Variants in GREB1 observed in about 807,000 individuals in gnomAD.
GREB1 encodes protein GREB1.
In GREB1, 106 loss-of-function variants were observed where a neutral mutation model predicts 200.7. That is an observed-to-expected ratio of 0.53 (90% confidence interval 0.45 to 0.62). The LOEUF (loss-of-function observed/expected upper bound fraction) is 0.62, where lower values mean the gene tolerates loss of function less well. GREB1 is among the 20% of genes least tolerant of loss of function. The pLI is 0.00. For missense variants in GREB1, 2,243 were observed against 2,556.8 expected, an observed-to-expected ratio of 0.88 and a Z score of 2.65; for synonymous variants, 1,132 against 1,092.4, an observed-to-expected ratio of 1.04 and a Z score of -0.72.
chr2:11,580,676 C>T lies in GREB1; in HGVS notation c.773-28C>T. On this transcript the variant is annotated intron_variant, in intron 6 of 32. Coordinates refer to ENST00000381486, the MANE Select transcript of GREB1 (RefSeq NM_014668.4). The surrounding 1 kb of genome is among the most constrained non-coding windows in gnomAD (Gnocchi z 4.5). Reference sequence around the variant, plus strand: ...CCCAGGGCATTCTTGTGAACTGACCCTCCTCTTTGCCTTCTATCTGTTTTC... The same window carrying T: ...CCCAGGGCATTCTTGTGAACTGACCTTCCTCTTTGCCTTCTATCTGTTTTC... 2 of 1,590,126 alleles carry T rather than the reference C, an allele frequency of 1.3e-6. No homozygotes were observed. The highest frequency in any genetic ancestry group is 1.7e-6 in the Non-Finnish European group (2 of 1,165,844).
intron 1 of GREB1, among the ~76,000 whole-genome samples, chr2:11,507,657 T>C (rs1673221849): frequency 6.6e-6 from 1 of 152,156 alleles, no homozygotes; most frequent in South Asian, 2.1e-4. Context: ...TGGCATGGAG[T>C]TGCTGCCTGT....
At chr2:11,616,936 T>C (rs1430943947) in intron 21 of GREB1, among the ~76,000 whole-genome samples, 1 of 152,246 alleles carries the variant, frequency 6.6e-6, no homozygotes, top group Non-Finnish European at 1.5e-5. Context: ...ACTGTAGGGT[T>C]CTGCTGCCCC....
chr2:11,523,149 G>A lies in GREB1; in HGVS notation c.-158-33308G>A, dbSNP rs149139255. ...GGAACAGAAAACCAAACACTGCAAT[G>A]TTCTCACTTATAAATGGGAGCTAAA... On this transcript the variant is annotated intron_variant, in intron 1 of 2. Coordinates refer to the GREB1 transcript ENST00000628795. Among the ~76,000 whole-genome samples the A allele has an allele frequency of 4.9e-3, 751 of 152,270 alleles. 9 individuals carry two copies. The highest frequency in any genetic ancestry group is 0.017 in the African/African-American group (718 of 41,548).
chr2:11,534,751 G>A lies in GREB1; in HGVS notation c.-162+497G>A, dbSNP rs1449795812. Among the ~76,000 whole-genome samples, 3 of 152,128 alleles carry A rather than the reference G, an allele frequency of 2.0e-5. No individual in the cohort carries two copies. The East Asian group carries it at 5.8e-4, about 29-fold the overall frequency. The stretch of plus-strand genomic sequence containing the variant: ...GTGTGCTTCTTCTTCACATATACCT[G>A]GTTGTTCTCTGATTGCTTTGGTGTC... On this transcript the variant is annotated intron_variant, in intron 1 of 32. Coordinates refer to ENST00000381486, the MANE Select transcript of GREB1 (RefSeq NM_014668.4).
chr2:11,559,316 T>G (rs1676748977), intron 2 of GREB1, among the ~76,000 whole-genome samples: 1 of 152,198 alleles, frequency 6.6e-6, no homozygotes, highest in Non-Finnish European at 1.5e-5. Context: ...GGCAGGAATG[T>G]CCCCTCGAGC....
At chr2:11,622,836 C>T (rs1039507083) in intron 23 of GREB1, among the ~76,000 whole-genome samples, 1 of 152,176 alleles carries the variant, frequency 6.6e-6, no homozygotes, top group Non-Finnish European at 1.5e-5. Flanking sequence ...GGACTCTGGC[C>T]GGAGTGGAAG....
chr2:11,597,684 G>T lies in GREB1; in HGVS notation c.1955-97G>T. The T allele has an allele frequency of 9.7e-7, 1 of 1,030,506 alleles. No homozygotes were observed. Among genetic ancestry groups the T allele is most frequent in the South Asian group, 1.3e-5 (1 of 76,502 alleles). 63.8% of individuals were successfully genotyped at this position (1,030,506 alleles called of 1,614,324 possible). A position where few individuals can be genotyped will look rare whatever the true frequency, so the allele number is the denominator to read the frequency against. ...CCCTCATCGCTTTGTGAATGGGGCCGTCTCCCCTGGACAGGTCTCACTGAT... is the reference window on the plus strand; with the variant it reads ...CCCTCATCGCTTTGTGAATGGGGCCTTCTCCCCTGGACAGGTCTCACTGAT... On this transcript the variant is annotated intron_variant, in intron 13 of 32. Transcript: ENST00000381486. The surrounding 1 kb of genome is among the most constrained non-coding windows in gnomAD (Gnocchi z 4.1).
At chr2:11,528,347 T>C (rs1371893079) in intron 1 of GREB1, among the ~76,000 whole-genome samples, 2 of 152,238 alleles carry the variant, frequency 1.3e-5, no homozygotes, top group Non-Finnish European at 2.9e-5. Flanking sequence ...GCAAATACCC[T>C]CGTTGAAAGT....
At chr2:11,501,645 T>G (rs1352387681) in intron 1 of GREB1, among the ~76,000 whole-genome samples, 1 of 151,858 alleles carries the variant, frequency 6.6e-6, no homozygotes, top group Non-Finnish European at 1.5e-5. Flanking sequence ...ACACCTGCCT[T>G]GGCCTCCTAA....
At chr2:11,607,518 A>C (rs1682451008) in intron 17 of GREB1, among the ~76,000 whole-genome samples, 1 of 103,830 alleles carries the variant, frequency 9.6e-6, no homozygotes, top group African/African-American at 3.8e-5. Flanking sequence ...ATATGTACAT[A>C]CATATATATA....
chr2:11,619,685 G>A (rs1272070622), intron 22 of GREB1, among the ~76,000 whole-genome samples: 2 of 152,072 alleles, frequency 1.3e-5, no homozygotes, highest in Non-Finnish European at 2.9e-5. Flanking sequence ...GTTTTTACTG[G>A]TCGTTGATAC....
intron 11 of GREB1, among the ~76,000 whole-genome samples, chr2:11,594,189 T>C (rs9798272): frequency 0.55 from 82,879 of 151,498 alleles, 23,165 homozygotes; most frequent in African/African-American, 0.68. Context: ...TTTTGTACTT[T>C]GGTAGAGACA....
Position 11,602,507 on chromosome 2 carries a change from C to G in GREB1, c.2631C>G (p.Ser877Arg). The change falls in exon 17 of 33, where the codon AGC (serine) becomes AGG (arginine). Residue 877 changes from serine to arginine, a missense_variant. Around this residue, in one of 3 missense-constraint regions of GREB1, gnomAD observed 1,178 missense variants for 1,387.4 expected, o/e 0.85. Coordinates refer to ENST00000381486, the MANE Select transcript of GREB1 (RefSeq NM_014668.4). ...GCCTCCCCTTGCTCAGATACGATAG[C>G]TCCTTTGAGGCCATGGTCACTGCAT... ...GHSLPLLRYD[S>R]SFEAMVTALG... The G allele has an allele frequency of 6.2e-7, 1 of 1,613,832 alleles. No homozygotes were observed. Among genetic ancestry groups the G allele is most frequent in the Non-Finnish European group, 8.5e-7 (1 of 1,179,666 alleles).
chr2:11,545,431 C>T (rs946263077), intron 1 of GREB1, among the ~76,000 whole-genome samples: 1 of 152,148 alleles, frequency 6.6e-6, no homozygotes, highest in African/African-American at 2.4e-5. Context: ...TGCACCCGGC[C>T]AATCAGCAAC....
intron 21 of GREB1, among the ~76,000 whole-genome samples, chr2:11,617,399 A>G (rs140595865): frequency 6.6e-6 from 1 of 152,350 alleles, no homozygotes; most frequent in East Asian, 1.9e-4. Context: ...TGCTATCTGG[A>G]TCAGCACTGA....
At chr2:11,575,143 C>T (rs1456522049) in intron 4 of GREB1, among the ~76,000 whole-genome samples, 2 of 152,216 alleles carry the variant, frequency 1.3e-5, no homozygotes, top group African/African-American at 4.8e-5. Context: ...CACACAGAGC[C>T]GGGTGGCCCT....
rs920404990 is a variant in GREB1 at position 11,580,663 on chromosome 2, T to C, written c.773-41T>C. On this transcript the variant is annotated intron_variant, in intron 6 of 32. Transcript: ENST00000381486. The surrounding 1 kb of genome is among the most constrained non-coding windows in gnomAD (Gnocchi z 4.5). Reference sequence around the variant, plus strand: ...TCCTTGCCTGGCTCCCAGGGCATTCTTGTGAACTGACCCTCCTCTTTGCCT... The same window carrying C: ...TCCTTGCCTGGCTCCCAGGGCATTCCTGTGAACTGACCCTCCTCTTTGCCT... The C allele has an allele frequency of 1.9e-6, 3 of 1,574,200 alleles. No individual in the cohort carries two copies. Among genetic ancestry groups the C allele is most frequent in the Non-Finnish European group, 2.6e-6 (3 of 1,157,988 alleles).
chr2:11,486,450 T>C (rs1672657698), intron 1 of GREB1, among the ~76,000 whole-genome samples: 2 of 152,140 alleles, frequency 1.3e-5, no homozygotes, highest in South Asian at 4.2e-4. Context: ...TCGCCCAGCC[T>C]AATTGTAGTA....
Position 11,641,221 on chromosome 2 carries a change from T to C in GREB1, c.*767T>C, listed in dbSNP as rs1685787550. 6.6e-6 allele frequency: 1 copy of C among 152,146 alleles called. No homozygotes were observed. Among genetic ancestry groups the C allele is most frequent in the South Asian group, 2.1e-4 (1 of 4,826 alleles). The allele number at this position is 152,146 out of a possible 1,614,324, so 9.4% of individuals were successfully genotyped here. ...GCCTTACAAAGGAGAAAGGACCACA[T>C]TGCTTACTTGAAACAGACAATGAAA... On this transcript the variant is annotated 3_prime_UTR_variant, in exon 33 of 33. Coordinates refer to ENST00000381486, the MANE Select transcript of GREB1 (RefSeq NM_014668.4).
Sources: gnomAD v4.1 joint callset for allele counts (sites outside exome capture counted in the v4.1 genomes callset) on GRCh38, gnomAD v4.1.1 for gene constraint, gnomAD v4.1.1 regional missense constraint, Gnocchi (gnomAD v3.1) non-coding constraint, MANE v1.5 for transcripts, NCBI Gene and HGNC (gene_info 2026-07-23, HGNC 2026-07-21) for gene names.